PTPN18: variants seen among roughly 807,000 people sequenced by gnomAD.
PTPN18 encodes the protein tyrosine-protein phosphatase non-receptor type 18.
In PTPN18, 65 loss-of-function variants were observed where a neutral mutation model predicts 65.4. The ratio of observed to expected loss-of-function variants is 0.99; its 90% CI spans 0.81 to 1.22. The LOEUF is 1.22. Ranked by LOEUF, PTPN18 falls within the 50% of genes most tolerant of loss-of-function variation. The pLI is 0.00. For missense variants in PTPN18, 616 were observed against 646.5 expected (o/e 0.95, Z 0.51); for synonymous variants, 255 against 267.8 (o/e 0.95, Z 0.47).
rs978118057 is a variant in PTPN18 at position 130,370,374 on chromosome 2, C to G, written c.690-183C>G. ...ACTCAGCTGGGGAATAAGCACACAGCTCTTGCTCAACAAAATGTAAGTGAT... is the reference window on the plus strand; with the variant it reads ...ACTCAGCTGGGGAATAAGCACACAGGTCTTGCTCAACAAAATGTAAGTGAT... On this transcript the variant is annotated intron_variant, in intron 8 of 14. Coordinates refer to ENST00000175756, the MANE Select transcript of PTPN18 (RefSeq NM_014369.4). The G allele has an allele frequency of 2.7e-6, 3 of 1,101,972 alleles. No homozygotes were observed. The African/African-American group carries it at 4.6e-5, about 17-fold the overall frequency. 68.3% of individuals were successfully genotyped at this position (1,101,972 alleles called of 1,614,324 possible).
Position 130,359,413 on chromosome 2 carries a change from T to C in PTPN18, c.296T>C (p.Leu99Pro), listed in dbSNP as rs367821979. Residue 99 changes from leucine (L) to proline (P), a missense_variant, in exon 4 of 15, where the codon CTG becomes CCG. Coordinates refer to ENST00000175756, the MANE Select transcript of PTPN18 (RefSeq NM_014369.4). ...GNFIRGVDGS[L>P]AYIATQGPLP... is the part of the protein sequence containing the mutation. ...CTTCACCAGGGCGTGGATGGAAGCCTGGCCTACATTGCCACGCAAGGACCC... is the reference window on the plus strand; with the variant it reads ...CTTCACCAGGGCGTGGATGGAAGCCCGGCCTACATTGCCACGCAAGGACCC... 2 of 1,614,188 alleles carry C rather than the reference T, an allele frequency of 1.2e-6. No homozygotes were observed. The highest frequency in any genetic ancestry group is 1.7e-6 in the Non-Finnish European group (2 of 1,180,020).
chr2:130,356,275 G>C (rs917862233), intron 1 of PTPN18, 75 bp downstream of exon 1: 1 of 1,118,716 alleles, frequency 8.9e-7, no homozygotes, highest in Non-Finnish European at 1.2e-6. Flanking sequence ...CGCGCACGGC[G>C]GGCTCTGCCT....
intron 4 of PTPN18, 28 bp from the exon 5 acceptor site, chr2:130,359,580 T>C: frequency 6.2e-7 from 1 of 1,613,816 alleles, no homozygotes; most frequent in Admixed American, 1.7e-5. Flanking sequence ...CCAAATCACC[T>C]TCCTCTCCCC....
At chr2:130,359,849 C>A in intron 5 of PTPN18, 1 of 641,772 alleles carries the variant, frequency 1.6e-6, no homozygotes, top group Non-Finnish European at 2.7e-6. Flanking sequence ...TCCTGCTGGG[C>A]TTCCCAGCCA....
intron 12 of PTPN18, 43 bp from the exon 13 acceptor site, chr2:130,372,214 C>T (rs1680587159): frequency 1.6e-5 from 24 of 1,538,010 alleles, no homozygotes; most frequent in Non-Finnish European, 2.1e-5. Flanking sequence ...CCGCCCTGCC[C>T]AGCGCCGCCG....
chr2:130,362,105 A>C (rs1680234940), intron 5 of PTPN18: 1 of 469,940 alleles, frequency 2.1e-6, no homozygotes, highest in Non-Finnish European at 4.4e-6. Context: ...AGGAGTTGGG[A>C]CTACAGGCAT....
intron 7 of PTPN18, 45 bp from the exon 8 acceptor site, chr2:130,370,003 T>G (rs766233519): frequency 6.2e-7 from 1 of 1,605,960 alleles, no homozygotes; most frequent in South Asian, 1.1e-5. Flanking sequence ...AATGCTTTTT[T>G]CTTTTTTTTC....
intron 13 of PTPN18, 87 bp from the exon 14 acceptor site, chr2:130,372,786 C>T: frequency 1.3e-6 from 2 of 1,506,102 alleles, no homozygotes; most frequent in Non-Finnish European, 1.8e-6. Context: ...CCCTTCGGGC[C>T]TCCGGGGAAG....
In PTPN18 at chr2:130,361,549, TCTTTCTTTCTTTCTTTCCTTTCTTTC is replaced by T. The variant is rs1182721320; in HGVS notation, c.414+1913_414+1938del. Among the ~76,000 whole-genome samples the T allele has an allele frequency of 3.0e-4, 44 of 145,960 alleles. 1 individual carries two copies. The highest frequency in any genetic ancestry group is 1.0e-3 in the Admixed American group (15 of 14,716). On this transcript the variant is annotated intron_variant, in intron 5 of 14. Coordinates refer to ENST00000175756, the MANE Select transcript of PTPN18 (RefSeq NM_014369.4). ...TTCTTTCTTTCTTTCTTTCTTTCTT[TCTTTCTTTCTTTCTTTCCTTTCTTTC>T]CTTTCTTTCCTTTCTTTCTTTCTGT...
intron 5 of PTPN18, among the ~76,000 whole-genome samples, chr2:130,361,665 G>A (rs151248893): frequency 9.8e-4 from 148 of 151,636 alleles, no homozygotes; most frequent in African/African-American, 3.3e-3. Flanking sequence ...TTGGCTCACT[G>A]CAACCTTTGC....
In PTPN18 at chr2:130,372,386, C is replaced by T; in HGVS notation, c.1143C>T (p.Arg381=). 1.5e-6 allele frequency: 2 copies of T among 1,366,248 alleles called. No homozygotes were observed. Among genetic ancestry groups the T allele is most frequent in the Middle Eastern group, 2.7e-4 (1 of 3,736 alleles). 84.6% of individuals were successfully genotyped at this position (1,366,248 alleles called of 1,614,324 possible). A position where few individuals can be genotyped will look rare whatever the true frequency, so the allele number is the denominator to read the frequency against. Residue 381 remains arginine, a synonymous_variant, in exon 13 of 15, where the codon CGC becomes CGT. Coordinates refer to ENST00000175756, the MANE Select transcript of PTPN18 (RefSeq NM_014369.4). ...GGACGGGGACGGGGACGGGGGCGCG[C>T]AGCGCGGAGGAGGCGCCGCTCTACA... is the stretch of plus-strand genomic sequence containing the variant. ...QTGTGTGTGA[R]SAEEAPLYSK...
intron 8 of PTPN18, 109 bp from the exon 9 acceptor site, chr2:130,370,448 A>G: frequency 7.6e-7 from 1 of 1,308,410 alleles, no homozygotes. Flanking sequence ...CTGGGAATCA[A>G]GAGGCTCTGC....
intron 12 of PTPN18, 153 bp from the exon 13 acceptor site, chr2:130,372,104 G>GA (rs1680582624): frequency 3.0e-6 from 2 of 659,956 alleles, no homozygotes; most frequent in Non-Finnish European, 4.9e-6. Context: ...TAGGGACACA[G>GA]AAGCGAGGCC....
intron 8 of PTPN18, 138 bp from the exon 9 acceptor site, chr2:130,370,419 C>A: frequency 8.4e-7 from 1 of 1,191,496 alleles, no homozygotes; most frequent in Non-Finnish European, 1.2e-6. Flanking sequence ...TTTCCTTGTT[C>A]AGATATAATC....
intron 5 of PTPN18, among the ~76,000 whole-genome samples, chr2:130,362,929 C>T (rs1424720777): frequency 6.6e-6 from 1 of 151,992 alleles, no homozygotes; most frequent in African/African-American, 2.4e-5. Context: ...ACGCCATTCT[C>T]CTGCCTCAGC....
chr2:130,372,046 C>T, intron 12 of PTPN18: 1 of 531,636 alleles, frequency 1.9e-6, no homozygotes, highest in Non-Finnish European at 3.3e-6. Flanking sequence ...CCAAATTACC[C>T]TCCAGGCTGA....
chr2:130,356,251 G>T, intron 1 of PTPN18, 51 bp downstream of exon 1: 4 of 1,236,812 alleles, frequency 3.2e-6, no homozygotes, highest in South Asian at 4.3e-5. Flanking sequence ...CTGGCCCTGC[G>T]TACGCCTGTC....
At chr2:130,358,844 A>G in intron 1 of PTPN18, 23 bp from the exon 2 acceptor site, 1 of 1,591,390 alleles carries the variant, frequency 6.3e-7, no homozygotes, top group East Asian at 2.3e-5. Context: ...CCCCTCCCTG[A>G]CCCACTCATA....
intron 1 of PTPN18, among the ~76,000 whole-genome samples, chr2:130,358,497 G>C (rs1056204740): frequency 1.3e-5 from 2 of 152,050 alleles, no homozygotes; most frequent in African/African-American, 4.8e-5. Flanking sequence ...TGTGCAGGGG[G>C]TGGGTGCCGA....
Sources: gnomAD v4.1 joint callset for allele counts (sites outside exome capture counted in the v4.1 genomes callset) on GRCh38, gnomAD v4.1.1 for gene constraint, MANE v1.5 for transcripts, NCBI Gene and HGNC (gene_info 2026-07-23, HGNC 2026-07-21) for gene names.